Variants in TPRG1 observed in about 807,000 individuals in gnomAD.
The protein encoded by TPRG1 is tumor protein p63-regulated gene 1 protein.
A neutral mutation model predicts 29.3 loss-of-function variants in TPRG1; 29 were observed. The ratio of observed to expected loss-of-function variants is 0.99; its 90% confidence interval spans 0.74 to 1.35. The LOEUF is 1.35. Ranked by LOEUF, TPRG1 falls within the 40% of genes most tolerant of loss-of-function variation. The pLI, the probability that TPRG1 is intolerant of heterozygous loss-of-function variation, is 0.00. For synonymous variants in TPRG1, 130 were observed against 116.8 expected (o/e 1.11, Z -0.73); for missense variants, 327 against 335.0 (o/e 0.98, Z 0.19).
chr3:189,138,361 G>A (rs1228183828), intron 3 of TPRG1, among the ~76,000 whole-genome samples: 1 of 152,172 alleles, frequency 6.6e-6, no homozygotes, highest in Non-Finnish European at 1.5e-5. Context: ...GATTGCTTGG[G>A]TTTTATGGCA....
intron 3 of TPRG1, chr3:189,219,522 A>G: frequency 8.7e-7 from 1 of 1,147,580 alleles, no homozygotes; most frequent in Non-Finnish European, 1.1e-6. Context: ...CCTTCTGAAA[A>G]AAAAAAAAAA....
intron 3 of TPRG1, among the ~76,000 whole-genome samples, chr3:189,224,921 C>T (rs553943194): frequency 1.4e-5 from 2 of 147,068 alleles, no homozygotes; most frequent in Admixed American, 7.0e-5. Flanking sequence ...ATAGGTGTCT[C>T]TTCCTTTTTC....
intron 4 of TPRG1, among the ~76,000 whole-genome samples, chr3:189,148,665 C>G (rs919268123): frequency 6.6e-6 from 1 of 152,132 alleles, no homozygotes; most frequent in Non-Finnish European, 1.5e-5. Flanking sequence ...ACTGCCTGAC[C>G]CAGGCAATGA....
chr3:189,233,891 G>A (rs1405683687), intron 3 of TPRG1, among the ~76,000 whole-genome samples: 1 of 152,076 alleles, frequency 6.6e-6, no homozygotes, highest in Non-Finnish European at 1.5e-5. Context: ...GATTGAAGGA[G>A]ACAGGGTCTC....
chr3:189,043,022 A>C (rs956655359), intron 4 of TPRG1, among the ~76,000 whole-genome samples: 2 of 152,184 alleles, frequency 1.3e-5, no homozygotes, highest in African/African-American at 4.8e-5. Context: ...CCCATTGTTT[A>C]TTCTCCAAAT....
At chr3:189,015,098 A>G (rs563622190) in intron 3 of TPRG1, among the ~76,000 whole-genome samples, 7 of 152,162 alleles carry the variant, frequency 4.6e-5, no homozygotes, top group Non-Finnish European at 1.0e-4. Flanking sequence ...AGTGATATGG[A>G]CAAGAAAGTC....
At chr3:189,162,513 G>T (rs916147518) in intron 5 of TPRG1, among the ~76,000 whole-genome samples, 2 of 152,084 alleles carry the variant, frequency 1.3e-5, no homozygotes, top group African/African-American at 4.8e-5. Context: ...TGAACAGGAG[G>T]GTAAGTAATA....
Position 189,299,212 on chromosome 3 carries a change from A to G in TPRG1, c.480-11174A>G, listed in dbSNP as rs910937761. Among the ~76,000 whole-genome samples the G allele has an allele frequency of 3.9e-4, 59 of 152,182 alleles. 1 individual carries two copies. The highest frequency in any genetic ancestry group is 1.5e-5 in the Non-Finnish European group (1 of 68,036). ...AGTGATTTGCCAAATGTACCAATTC[A>G]TAATGAAGGGAGTTGCCTCAAAATG... is the stretch of plus-strand genomic sequence containing the variant. On this transcript the variant is annotated intron_variant, in intron 4 of 5. Coordinates refer to ENST00000345063, the MANE Select transcript of TPRG1 (RefSeq NM_198485.4).
chr3:189,030,529 A>G (rs1358313804), intron 4 of TPRG1, among the ~76,000 whole-genome samples: 2 of 152,144 alleles, frequency 1.3e-5, no homozygotes, highest in African/African-American at 4.8e-5. Flanking sequence ...ACTAAAAGTA[A>G]AATCCAGGTA....
intron 1 of TPRG1, chr3:189,190,870 C>T (rs1400508225): frequency 2.9e-6 from 2 of 693,920 alleles, no homozygotes; most frequent in Admixed American, 6.3e-5. Context: ...CTCTTAGCTG[C>T]TTTGTGATTG....
chr3:189,231,951 G>GTGTGTGTGTGTGTGT (rs1293172506), intron 3 of TPRG1, among the ~76,000 whole-genome samples: 7 of 150,874 alleles, frequency 4.6e-5, no homozygotes, highest in Non-Finnish European at 1.0e-4. Context: ...GTTTGTGTGT[G>GTGTGTGTGTGTGTGT]TGTGTGTGTG....
chr3:189,195,569 G>GCAGTAGC (rs1019501797), intron 1 of TPRG1, among the ~76,000 whole-genome samples: 2 of 152,182 alleles, frequency 1.3e-5, no homozygotes, highest in African/African-American at 4.8e-5. Flanking sequence ...ACAGTGTATT[G>GCAGTAGC]CAGTAGCCGT....
chr3:189,005,497 T>C (rs1306566546), intron 3 of TPRG1, among the ~76,000 whole-genome samples: 3 of 152,256 alleles, frequency 2.0e-5, no homozygotes, highest in East Asian at 3.9e-4. Flanking sequence ...ATCATTTTTA[T>C]TGAGGACTTA....
intron 3 of TPRG1, among the ~76,000 whole-genome samples, chr3:189,139,442 C>T (rs1724224144): frequency 6.6e-6 from 1 of 152,164 alleles, no homozygotes; most frequent in Non-Finnish European, 1.5e-5. Flanking sequence ...ACCAGCTCCT[C>T]ATCCAGAGAG....
intron 4 of TPRG1, among the ~76,000 whole-genome samples, chr3:189,077,667 T>C (rs1440442325): frequency 6.6e-6 from 1 of 152,210 alleles, no homozygotes; most frequent in African/African-American, 2.4e-5. Flanking sequence ...ATTGATATAT[T>C]CCACCCTTTT....
intron 3 of TPRG1, among the ~76,000 whole-genome samples, chr3:189,223,193 A>G (rs548101820): frequency 6.6e-6 from 1 of 152,150 alleles, no homozygotes; most frequent in Non-Finnish European, 1.5e-5. Context: ...TTTGGTTCTG[A>G]TCAAGTAATC....
chr3:189,278,166 T>C (rs1310943364), intron 4 of TPRG1, among the ~76,000 whole-genome samples: 1 of 152,182 alleles, frequency 6.6e-6, no homozygotes, highest in Non-Finnish European at 1.5e-5. Flanking sequence ...CTTGGTGGCT[T>C]TTCTTTCCAC....
intron 4 of TPRG1, among the ~76,000 whole-genome samples, chr3:189,290,989 G>A (rs561049020): frequency 7.1e-4 from 108 of 152,162 alleles, no homozygotes; most frequent in African/African-American, 2.3e-3. Context: ...TGCAAGCTCC[G>A]CCTCCGGGTT....
At chr3:189,173,924 C>T (rs1365738353) in intron 1 of TPRG1, among the ~76,000 whole-genome samples, 1 of 152,164 alleles carries the variant, frequency 6.6e-6, no homozygotes, top group Non-Finnish European at 1.5e-5. Context: ...AGAGAAGCCT[C>T]TCTCTTTATT....
Sources: allele counts gnomAD v4.1 joint callset (sites outside exome capture counted in the v4.1 genomes callset), GRCh38; gene constraint gnomAD v4.1.1; transcripts MANE v1.5; gene names NCBI Gene and HGNC (gene_info 2026-07-23, HGNC 2026-07-21).